SPRY3: variants seen among roughly 807,000 people sequenced by gnomAD.
The protein encoded by SPRY3 is protein sprouty homolog 3.
SPRY3 carries 15 observed loss-of-function variants against 20.2 expected under a neutral mutation model. The ratio of observed to expected loss-of-function variants is 0.74; its 90% confidence interval spans 0.50 to 1.14. The LOEUF (loss-of-function observed/expected upper bound fraction) is 1.14. Ranked by LOEUF, SPRY3 falls within the 50% of genes most tolerant of loss-of-function variation. The probability of loss-of-function intolerance (pLI) is 0.00; values close to 1 mark genes in which losing one functional copy is unlikely to be tolerated. For missense variants in SPRY3, 364 were observed against 363.9 expected (o/e 1.00, Z 0.00); for synonymous variants, 143 against 136.5 (o/e 1.05, Z -0.33).
At chrX:155,660,199 C>A (rs1557353535) in intron 2 of SPRY3, among the ~76,000 whole-genome samples, 12 of 111,280 alleles carry the variant, frequency 1.1e-4, no homozygotes, top group Non-Finnish European at 1.5e-4. Flanking sequence ...TTTGCTGTAT[C>A]CCAGGATCTT....
intron 2 of SPRY3, among the ~76,000 whole-genome samples, chrX:155,708,720 A>G (rs2090967816): frequency 6.6e-6 from 1 of 151,476 alleles, no homozygotes; most frequent in Non-Finnish European, 1.5e-5. Flanking sequence ...CACCCCATCA[A>G]GCATTTATCC....
At position 155,767,230 on chromosome X, in the gene SPRY3, A is replaced by G. The variant is rs1182202209; in HGVS notation, c.-281-732A>G. 4.0e-5 allele frequency among the ~76,000 whole-genome samples: 6 copies of G among 151,338 alleles called. No homozygotes were observed. In the East Asian group the frequency reaches 1.2e-3, roughly 29 times the overall value. On this transcript the variant is annotated intron_variant, in intron 2 of 3. Transcript: ENST00000675360. ...GGGAAAGCCAACGACACGCGGGGGG[A>G]GGGGGGAGAGAAAGAAATTATAACG...
At chrX:155,636,658 C>G (rs1237815278) in intron 1 of SPRY3, among the ~76,000 whole-genome samples, 5 of 110,157 alleles carry the variant, frequency 4.5e-5, no homozygotes, top group African/African-American at 1.7e-4. Flanking sequence ...TCTCTTCTTT[C>G]CCCTTATTAT....
At chrX:155,664,284 C>G (rs1277954619) in intron 2 of SPRY3, among the ~76,000 whole-genome samples, 3 of 109,920 alleles carry the variant, frequency 2.7e-5, no homozygotes, top group Non-Finnish European at 5.7e-5. Flanking sequence ...TCAAGTTATT[C>G]CATACATTAA....
intron 2 of SPRY3, among the ~76,000 whole-genome samples, chrX:155,677,407 T>C (rs757948352): frequency 2.7e-5 from 3 of 111,809 alleles, no homozygotes; most frequent in Middle Eastern, 4.6e-3. Context: ...CTTAACCCAG[T>C]TGGTGAATTT....
At position 155,692,983 on chromosome X, in the gene SPRY3, C is replaced by T. The variant is rs772492729; in HGVS notation, c.-282+35958C>T. Among the ~76,000 whole-genome samples the T allele has an allele frequency of 1.4e-4, 15 of 109,794 alleles. No individual in the cohort carries two copies. The East Asian group carries it at 2.6e-3, about 19-fold the overall frequency. On this transcript the variant is annotated intron_variant, in intron 2 of 3. Coordinates refer to ENST00000675360, the Ensembl canonical transcript of SPRY3. ...TAGTTGATCTTTAATTTATTTATTA[C>T]GTTTTTCTTCTATTTCATTGTTTTT...
intron 2 of SPRY3, among the ~76,000 whole-genome samples, chrX:155,682,034 C>T (rs1017159539): frequency 8.9e-6 from 1 of 112,558 alleles, no homozygotes; most frequent in African/African-American, 3.2e-5. Context: ...AAGAATATGC[C>T]ATCTAGAACT....
chrX:155,737,807 G>A (rs1265445601), intron 2 of SPRY3, among the ~76,000 whole-genome samples: 1 of 152,110 alleles, frequency 6.6e-6, no homozygotes, highest in Non-Finnish European at 1.5e-5. Flanking sequence ...GTGAGGAGGT[G>A]TTGAAAGAAT....
chrX:155,678,514 G>A (rs1235233209), intron 2 of SPRY3, among the ~76,000 whole-genome samples: 1 of 111,422 alleles, frequency 9.0e-6, no homozygotes, highest in Non-Finnish European at 1.9e-5. Context: ...AATACTTAGC[G>A]AGTTAACAGT....
chrX:155,626,334 C>T (rs782511339), intron 1 of SPRY3, among the ~76,000 whole-genome samples: 6 of 111,317 alleles, frequency 5.4e-5, no homozygotes, highest in Admixed American at 9.6e-5. Flanking sequence ...GCTTATTGTT[C>T]ATTTGAATAT....
chrX:155,751,948 TAAAATAAAATAAA>T (rs939553719), intron 2 of SPRY3, among the ~76,000 whole-genome samples: 7 of 121,204 alleles, frequency 5.8e-5, no homozygotes, highest in African/African-American at 1.9e-4. Flanking sequence ...TAAAATAAAA[TAAAATAAAATAAA>T]ATAAAATAAA....
chrX:155,695,922 T>C (rs766987329), intron 2 of SPRY3, among the ~76,000 whole-genome samples: 2 of 111,281 alleles, frequency 1.8e-5, no homozygotes, highest in Middle Eastern at 4.7e-3. Context: ...AATTTTAACA[T>C]CTAGGTCATC....
At chrX:155,768,248 G>C (rs1261309935) in intron 3 of SPRY3, 112 bp downstream of exon 2, 1 of 150,272 alleles carries the variant, frequency 6.7e-6, no homozygotes, top group East Asian at 2.0e-4. Flanking sequence ...TGTGTGCCGC[G>C]CGCTTGGGCG....
intron 2 of SPRY3, among the ~76,000 whole-genome samples, chrX:155,703,737 T>C (rs965632796): frequency 3.3e-5 from 5 of 151,402 alleles, no homozygotes; most frequent in Non-Finnish European, 7.4e-5. Flanking sequence ...TTTCCTGCTT[T>C]CTCTTGTAGG....
chrX:155,763,398 T>C (rs2091312010), intron 2 of SPRY3, among the ~76,000 whole-genome samples: 1 of 152,182 alleles, frequency 6.6e-6, no homozygotes, highest in Admixed American at 6.5e-5. Context: ...TATCATCTTC[T>C]GTTTAGATTA....
At chrX:155,758,214 T>A (rs2091290761) in intron 2 of SPRY3, among the ~76,000 whole-genome samples, 1 of 152,204 alleles carries the variant, frequency 6.6e-6, no homozygotes, top group Non-Finnish European at 1.5e-5. Context: ...GTATCTCACA[T>A]ATCAAGTATA....
At chrX:155,774,552 C>T (rs1603010902) in exon 4 of SPRY3, 10 of 1,613,886 alleles carry the variant, frequency 6.2e-6, no homozygotes, top group Non-Finnish European at 8.5e-6. Flanking sequence ...CCATGAGCCT[C>T]ATCTCCCTCT....
At chrX:155,747,599 T>C (rs306898) in intron 2 of SPRY3, among the ~76,000 whole-genome samples, 66,989 of 151,598 alleles carry the variant, frequency 0.44, 12,802 homozygotes, top group South Asian at 0.57. Flanking sequence ...AGAAGTGCAT[T>C]CTCCTATTAC....
chrX:155,688,284 A>C (rs778934354), intron 2 of SPRY3, among the ~76,000 whole-genome samples: 4 of 110,609 alleles, frequency 3.6e-5, no homozygotes, highest in Non-Finnish European at 7.6e-5. Flanking sequence ...CCAGTCCCTC[A>C]TTGATGGGCA....
Sources: gnomAD v4.1 joint callset for allele counts (sites outside exome capture counted in the v4.1 genomes callset) on GRCh38, gnomAD v4.1.1 for gene constraint, MANE v1.5 for transcripts, NCBI Gene and HGNC (gene_info 2026-07-23, HGNC 2026-07-21) for gene names.